LIPK: variants seen among roughly 807,000 people sequenced by gnomAD.
The protein encoded by LIPK is lipase family member K, also known as lipase member K.
A neutral mutation model predicts 48.6 loss-of-function variants in LIPK; 32 were observed. The observed-to-expected ratio is 0.66, with a 90% CI of 0.50 to 0.88. The LOEUF (loss-of-function observed/expected upper bound fraction) is 0.88, where lower values mean the gene tolerates loss of function less well. Ranked by LOEUF, LIPK falls within the 40% of genes least tolerant of loss-of-function variation. The pLI, the probability that LIPK is intolerant of heterozygous loss-of-function variation, is 0.00. For synonymous variants in LIPK, 164 were observed against 157.4 expected (o/e 1.04, Z -0.32); for missense variants, 507 against 478.5 (o/e 1.06, Z -0.56).
At chr10:88,730,938 C>T in intron 3 of LIPK, 45 bp from the exon 4 acceptor site, 3 of 1,465,388 alleles carry the variant, frequency 2.0e-6, no homozygotes, top group Non-Finnish European at 2.7e-6. Context: ...CTTGTAGACA[C>T]TGAGAAAGTT....
rs528738350 is a variant in LIPK, at chr10:88,736,285, A to G, written c.670-1350A>G. ...TTCAAACCATACTTCTCAATTCTTTAGGTCTGGAAAGTAATAATAAGCCTT... is the reference window on the plus strand; with the variant it reads ...TTCAAACCATACTTCTCAATTCTTTGGGTCTGGAAAGTAATAATAAGCCTT... On this transcript the variant is annotated intron_variant, in intron 6 of 9. Transcript: ENST00000404190. Among the ~76,000 whole-genome samples, 75 of 152,304 alleles carry G rather than the reference A, an allele frequency of 4.9e-4. No individual in the cohort carries two copies. In the South Asian group the frequency reaches 7.9e-3, roughly 16 times the overall value.
At chr10:88,746,741 TAGC>T (rs1564571496) in intron 9 of LIPK, among the ~76,000 whole-genome samples, 1 of 152,056 alleles carries the variant, frequency 6.6e-6, no homozygotes, top group Non-Finnish European at 1.5e-5. Flanking sequence ...ACTCCAGAGC[TAGC>T]AGAAGAAAAA....
chr10:88,713,917 T>C (rs559006958), intron 1 of LIPK, among the ~76,000 whole-genome samples: 2 of 151,676 alleles, frequency 1.3e-5, no homozygotes, highest in South Asian at 4.2e-4. Flanking sequence ...GCCATTGCAC[T>C]CCAGCCTGGG....
At chr10:88,747,344 T>A (rs901499693) in intron 9 of LIPK, among the ~76,000 whole-genome samples, 6 of 152,174 alleles carry the variant, frequency 3.9e-5, no homozygotes, top group Admixed American at 6.5e-5. Context: ...ATATCCCTGA[T>A]AAACATATAT....
intron 9 of LIPK, among the ~76,000 whole-genome samples, chr10:88,743,641 T>A (rs1284360396): frequency 6.6e-6 from 1 of 151,958 alleles, no homozygotes; most frequent in East Asian, 1.9e-4. Flanking sequence ...GAAGAGTTTC[T>A]CCCATTAAGA....
chr10:88,740,123 A>C, intron 8 of LIPK, 56 bp downstream of exon 8: 1 of 1,403,124 alleles, frequency 7.1e-7, no homozygotes, highest in Admixed American at 1.8e-5. Flanking sequence ...ACCCTCAAGA[A>C]GTGCTCTCAG....
intron 3 of LIPK, among the ~76,000 whole-genome samples, chr10:88,730,375 C>T (rs1213819166): frequency 6.6e-6 from 1 of 151,464 alleles, no homozygotes; most frequent in Non-Finnish European, 1.5e-5. Context: ...CTGCAAGCTC[C>T]GCCTCCCGGG....
chr10:88,752,264 A>G (rs1842875781), intron 9 of LIPK, among the ~76,000 whole-genome samples: 1 of 152,212 alleles, frequency 6.6e-6, no homozygotes, highest in South Asian at 2.1e-4. Context: ...CTCTTCCTCC[A>G]GAATCTTTTA....
chr10:88,734,300 T>A (rs1842526256), intron 6 of LIPK, among the ~76,000 whole-genome samples: 1 of 152,132 alleles, frequency 6.6e-6, no homozygotes, highest in Non-Finnish European at 1.5e-5. Context: ...CATTATAGAG[T>A]GTGGTATAGA....
intron 1 of LIPK, among the ~76,000 whole-genome samples, chr10:88,710,430 T>C (rs987595643): frequency 6.6e-6 from 1 of 152,210 alleles, no homozygotes; most frequent in African/African-American, 2.4e-5. Flanking sequence ...TTAATTGTGG[T>C]ATAATTACAT....
At chr10:88,727,019 C>T (rs1842357398) in intron 3 of LIPK, 107 bp downstream of exon 3, 2 of 695,026 alleles carry the variant, frequency 2.9e-6, no homozygotes, top group Non-Finnish European at 5.0e-6. Context: ...CAGTCCTTTC[C>T]ATTAAAGGAG....
intron 1 of LIPK, among the ~76,000 whole-genome samples, chr10:88,713,104 C>A (rs1385213722): frequency 2.0e-5 from 3 of 152,162 alleles, no homozygotes; most frequent in African/African-American, 7.2e-5. Flanking sequence ...TCTGTAGACT[C>A]TGGGATCAAA....
chr10:88,726,462 G>A (rs931882401), intron 2 of LIPK, among the ~76,000 whole-genome samples: 1 of 152,216 alleles, frequency 6.6e-6, no homozygotes, highest in Non-Finnish European at 1.5e-5. Context: ...TAAGGCAGGG[G>A]AACGAATGCC....
chr10:88,712,072 A>G (rs1410484803), intron 1 of LIPK, among the ~76,000 whole-genome samples: 1 of 152,184 alleles, frequency 6.6e-6, no homozygotes, highest in Non-Finnish European at 1.5e-5. Flanking sequence ...CTATGTCAAA[A>G]GTTATTAAAC....
chr10:88,737,908 ATTTATGGC>A, intron 7 of LIPK, 127 bp downstream of exon 7: 2 of 959,644 alleles, frequency 2.1e-6, no homozygotes, highest in Non-Finnish European at 3.2e-6. Flanking sequence ...TAATTAGTAC[ATTTATGGC>A]TTCCAATGAG....
At chr10:88,742,645 C>T (rs989868096) in intron 8 of LIPK, among the ~76,000 whole-genome samples, 1 of 152,148 alleles carries the variant, frequency 6.6e-6, no homozygotes, top group Non-Finnish European at 1.5e-5. Context: ...TCAGTCAGCC[C>T]ATGGCTACAT....
intron 6 of LIPK, among the ~76,000 whole-genome samples, chr10:88,733,286 T>C (rs151180506): frequency 6.4e-4 from 98 of 152,308 alleles, no homozygotes; most frequent in African/African-American, 2.2e-3. Context: ...TGATCATTTA[T>C]CTAGTCCAGG....
chr10:88,730,383 G>A lies in LIPK; in HGVS notation c.224-600G>A, dbSNP rs150219762. Reference sequence around the variant, plus strand: ...CGGCTCACTGCAAGCTCCGCCTCCCGGGTTCACGCCATTTTCCTGCCTCAG... The same window carrying A: ...CGGCTCACTGCAAGCTCCGCCTCCCAGGTTCACGCCATTTTCCTGCCTCAG... On this transcript the variant is annotated intron_variant, in intron 3 of 9. Coordinates refer to ENST00000404190, the MANE Select transcript of LIPK (RefSeq NM_001080518.2). Among the ~76,000 whole-genome samples, 228 of 152,040 alleles carry A rather than the reference G, an allele frequency of 1.5e-3. 4 individuals are homozygous for A. In the East Asian group the frequency reaches 0.038, roughly 25 times the overall value.
intron 7 of LIPK, 71 bp from the exon 8 acceptor site, chr10:88,739,925 A>T (rs1430467180): frequency 1.7e-5 from 15 of 899,220 alleles, no homozygotes; most frequent in Non-Finnish European, 1.5e-5. Context: ...AACTTTTTAA[A>T]TTTCTCTCAA....
Sources: allele counts gnomAD v4.1 joint callset (sites outside exome capture counted in the v4.1 genomes callset), GRCh38; gene constraint gnomAD v4.1.1; transcripts MANE v1.5; gene names NCBI Gene and HGNC (gene_info 2026-07-23, HGNC 2026-07-21).